CADPS2: variants seen among roughly 807,000 people sequenced by gnomAD.
CADPS2 encodes calcium-dependent secretion activator 2.
CADPS2 carries 93 observed loss-of-function variants against 172.5 expected under a neutral mutation model. The ratio of observed to expected loss-of-function variants is 0.54; its 90% CI spans 0.46 to 0.64. CADPS2 has a LOEUF of 0.64. CADPS2 is among the 30% of genes least tolerant of loss of function. The pLI is 0.00. For synonymous variants in CADPS2, 546 were observed against 555.2 expected (o/e 0.98, Z 0.23); for missense variants, 1,420 against 1,565.9 (o/e 0.91, Z 1.57).
At chr7:122,725,981 T>C (rs996792603) in intron 2 of CADPS2, among the ~76,000 whole-genome samples, 14 of 151,704 alleles carry the variant, frequency 9.2e-5, no homozygotes, top group African/African-American at 3.1e-4. Context: ...CTAAAAAGAG[T>C]TGGTGTCTCC....
intron 2 of CADPS2, among the ~76,000 whole-genome samples, chr7:122,724,831 T>A (rs1165028383): frequency 6.6e-6 from 1 of 152,076 alleles, no homozygotes; most frequent in East Asian, 1.9e-4. Flanking sequence ...TTTTGAATCA[T>A]GAACCTTTTG....
intron 19 of CADPS2, among the ~76,000 whole-genome samples, chr7:122,410,373 A>G (rs1243078101): frequency 6.6e-6 from 1 of 151,940 alleles, no homozygotes; most frequent in Non-Finnish European, 1.5e-5. Context: ...AACAAAAACA[A>G]AACTTATACA....
At chr7:122,875,374 A>T (rs1820934536) in intron 1 of CADPS2, among the ~76,000 whole-genome samples, 1 of 152,234 alleles carries the variant, frequency 6.6e-6, no homozygotes, top group African/African-American at 2.4e-5. Context: ...TCTTTACACA[A>T]CTAAGAGACT....
Position 122,376,789 on chromosome 7 carries a change from G to C in CADPS2, c.3387+2579C>G, listed in dbSNP as rs754784324. ...TGGATACGTTTATGGTACAGTTTGA[G>C]GTGATGGTTTTATGATTATAAACTT... On this transcript the variant is annotated intron_variant, in intron 25 of 29. Transcript: ENST00000449022. 3.9e-5 allele frequency among the ~76,000 whole-genome samples: 6 copies of C among 152,026 alleles called. No homozygotes were observed. The East Asian group carries it at 7.7e-4, about 20-fold the overall frequency.
intron 17 of CADPS2, chr7:122,425,970 T>G (rs1158339844): frequency 6.6e-6 from 1 of 152,198 alleles, no homozygotes; most frequent in Non-Finnish European, 1.5e-5. Flanking sequence ...GGAGAATGTT[T>G]GCCTGTGAAC....
At chr7:122,786,137 G>C (rs1793986578) in intron 1 of CADPS2, among the ~76,000 whole-genome samples, 1 of 152,096 alleles carries the variant, frequency 6.6e-6, no homozygotes, top group African/African-American at 2.4e-5. Context: ...ACTTCTAGAA[G>C]GGATAACACG....
intron 2 of CADPS2, among the ~76,000 whole-genome samples, chr7:122,692,724 G>T (rs1019617915): frequency 5.3e-5 from 8 of 152,250 alleles, no homozygotes; most frequent in Non-Finnish European, 1.0e-4. Flanking sequence ...GCTGAGGTCC[G>T]AGGGGAGTGG....
intron 3 of CADPS2, among the ~76,000 whole-genome samples, chr7:122,647,582 A>G (rs1157112213): frequency 6.6e-6 from 1 of 152,186 alleles, no homozygotes; most frequent in Non-Finnish European, 1.5e-5. Flanking sequence ...ATCTAAGGTG[A>G]TTAGGGAAAA....
intron 1 of CADPS2, among the ~76,000 whole-genome samples, chr7:122,847,572 C>A (rs920649710): frequency 6.6e-6 from 1 of 151,806 alleles, no homozygotes; most frequent in East Asian, 1.9e-4. Flanking sequence ...CCAAAACATA[C>A]AAAGCCTTTG....
Position 122,438,467 on chromosome 7 carries a change from A to G in CADPS2, c.2353-3T>C. ...GTGGCAATATCTTTCATTAAAACCT[A>G]CAGAGAGAGGAAGTGGAAGGGTGAG... On this transcript the variant is annotated splice_region_variant and splice_polypyrimidine_tract_variant and intron_variant, in intron 16 of 29. Coordinates refer to ENST00000449022, the MANE Select transcript of CADPS2 (RefSeq NM_017954.11). The G allele has an allele frequency of 1.2e-6, 2 of 1,612,470 alleles. No homozygotes were observed. The highest frequency in any genetic ancestry group is 1.7e-6 in the Non-Finnish European group (2 of 1,179,026).
At chr7:122,716,028 A>G (rs2089548319) in intron 2 of CADPS2, among the ~76,000 whole-genome samples, 5 of 152,142 alleles carry the variant, frequency 3.3e-5, no homozygotes, top group Admixed American at 2.6e-4. Flanking sequence ...TCTCATCACA[A>G]AAAAAGTATG....
intron 25 of CADPS2, among the ~76,000 whole-genome samples, chr7:122,362,728 T>C (rs745736925): frequency 1.8e-4 from 27 of 152,210 alleles, no homozygotes; most frequent in Admixed American, 2.6e-4. Context: ...TTTGTTCACA[T>C]AGCAGCTTCT....
At chr7:122,414,787 T>C (rs918298197) in intron 18 of CADPS2, among the ~76,000 whole-genome samples, 1 of 152,232 alleles carries the variant, frequency 6.6e-6, no homozygotes, top group Non-Finnish European at 1.5e-5. Context: ...CTCTTTTCTA[T>C]GAATTGGCTT....
intron 27 of CADPS2, among the ~76,000 whole-genome samples, chr7:122,354,978 C>A (rs1415085686): frequency 6.6e-6 from 1 of 152,176 alleles, no homozygotes; most frequent in Non-Finnish European, 1.5e-5. Context: ...TGTGAAGAGG[C>A]ACGTGCCTGG....
chr7:122,594,028 C>T (rs2133284344), intron 6 of CADPS2, among the ~76,000 whole-genome samples: 1 of 152,046 alleles, frequency 6.6e-6, no homozygotes, highest in South Asian at 2.1e-4. Flanking sequence ...CTAGACAATA[C>T]CTTTTAAAGT....
intron 1 of CADPS2, among the ~76,000 whole-genome samples, chr7:122,781,227 C>T (rs1329502257): frequency 9.9e-5 from 15 of 152,078 alleles, no homozygotes; most frequent in Admixed American, 9.8e-4. Context: ...ACCCATTATC[C>T]TATTAAAATA....
At chr7:122,736,460 T>C (rs941583046) in intron 2 of CADPS2, among the ~76,000 whole-genome samples, 4 of 152,088 alleles carry the variant, frequency 2.6e-5, no homozygotes, top group Non-Finnish European at 5.9e-5. Flanking sequence ...ATAGAGAAAC[T>C]CCTATGAGTC....
intron 2 of CADPS2, among the ~76,000 whole-genome samples, chr7:122,718,771 C>T (rs1224241426): frequency 6.6e-6 from 1 of 152,016 alleles, no homozygotes; most frequent in Non-Finnish European, 1.5e-5. Flanking sequence ...TCTTAGAGGA[C>T]CAAGTTGTGA....
chr7:122,633,160 G>T (rs935508176), intron 3 of CADPS2, among the ~76,000 whole-genome samples: 1 of 152,036 alleles, frequency 6.6e-6, no homozygotes, highest in Non-Finnish European at 1.5e-5. Context: ...TTTTGCTTAG[G>T]ATAGTTTTGC....
Sources: gnomAD v4.1 joint callset for allele counts (sites outside exome capture counted in the v4.1 genomes callset) on GRCh38, gnomAD v4.1.1 for gene constraint, MANE v1.5 for transcripts, NCBI Gene and HGNC (gene_info 2026-07-23, HGNC 2026-07-21) for gene names.